GRID1: variants seen among roughly 807,000 people sequenced by gnomAD.
GRID1 encodes the protein glutamate ionotropic receptor delta type subunit 1.
In GRID1, 28 loss-of-function variants were observed where a neutral mutation model predicts 98.0. The observed-to-expected ratio is 0.29, with a 90% CI of 0.21 to 0.39. The LOEUF (loss-of-function observed/expected upper bound fraction) is 0.39, where lower values mean the gene tolerates loss of function less well. GRID1 is among the 10% of genes least tolerant of loss of function. The probability of loss-of-function intolerance (pLI) is 1.00; values close to 1 mark genes in which losing one functional copy is unlikely to be tolerated. For synonymous variants in GRID1, 553 were observed against 538.5 expected (o/e 1.03, Z -0.37); for missense variants, 1,111 against 1,340.5 (o/e 0.83, Z 2.67).
chr10:86,055,209 G>T (rs1843556309), intron 4 of GRID1, among the ~76,000 whole-genome samples: 1 of 152,202 alleles, frequency 6.6e-6, no homozygotes, highest in Admixed American at 6.5e-5. Flanking sequence ...GCCTAAAACT[G>T]CAAGTTTGGG....
intron 4 of GRID1, among the ~76,000 whole-genome samples, chr10:86,006,918 G>C (rs899689154): frequency 6.6e-6 from 1 of 152,072 alleles, no homozygotes; most frequent in Non-Finnish European, 1.5e-5. Context: ...GGGTTATGAA[G>C]CTGTGATGTC....
intron 4 of GRID1, among the ~76,000 whole-genome samples, chr10:86,101,618 TG>T (rs1844296999): frequency 1.3e-5 from 2 of 151,142 alleles, no homozygotes; most frequent in African/African-American, 4.9e-5. Flanking sequence ...GTTCCTGGTT[TG>T]TTTTTCATTA....
intron 3 of GRID1, among the ~76,000 whole-genome samples, chr10:86,164,042 C>T (rs1845362809): frequency 6.6e-6 from 1 of 152,144 alleles, no homozygotes; most frequent in Non-Finnish European, 1.5e-5. Flanking sequence ...GTCCTAGGAC[C>T]CCAGGTGGGG....
chr10:85,888,043 C>T (rs1385414948), intron 5 of GRID1, among the ~76,000 whole-genome samples: 2 of 152,136 alleles, frequency 1.3e-5, no homozygotes, highest in East Asian at 3.9e-4. Context: ...TACTGTTCCT[C>T]ACCTCCAGGA....
intron 12 of GRID1, among the ~76,000 whole-genome samples, chr10:85,704,435 T>G (rs2132626929): frequency 6.6e-6 from 1 of 152,308 alleles, no homozygotes; most frequent in East Asian, 1.9e-4. Context: ...TAAATATATA[T>G]GCACCCAATA....
At chr10:85,909,729 T>C (rs573790450) in intron 5 of GRID1, among the ~76,000 whole-genome samples, 3 of 152,188 alleles carry the variant, frequency 2.0e-5, no homozygotes, top group African/African-American at 4.8e-5. Flanking sequence ...CAGAAACAGA[T>C]CAGTAGTTGC....
intron 12 of GRID1, among the ~76,000 whole-genome samples, chr10:85,705,521 C>A (rs150904701): frequency 0.06 from 9,160 of 152,216 alleles, 527 homozygotes; most frequent in African/African-American, 0.15. Flanking sequence ...CCGAATTCTA[C>A]CACAGGTACA....
chr10:85,960,394 T>C (rs1842250869), intron 4 of GRID1, among the ~76,000 whole-genome samples: 1 of 152,236 alleles, frequency 6.6e-6, no homozygotes, highest in South Asian at 2.1e-4. Context: ...GCCTGCAGGA[T>C]GCAGAGTCAG....
At chr10:86,178,615 C>A in intron 3 of GRID1, among the ~76,000 whole-genome samples, 1 of 151,882 alleles carries the variant, frequency 6.6e-6, no homozygotes, top group Admixed American at 6.6e-5. Flanking sequence ...CGTGCATCCA[C>A]CCCGGGGCGT....
chr10:85,716,824 AT>A (rs1231420606), intron 12 of GRID1, among the ~76,000 whole-genome samples: 11 of 151,890 alleles, frequency 7.2e-5, no homozygotes, highest in Non-Finnish European at 1.5e-4. Flanking sequence ...CAAATATTAT[AT>A]TATGTTAACT....
At chr10:86,175,592 C>T (rs1845563844) in intron 3 of GRID1, among the ~76,000 whole-genome samples, 2 of 152,234 alleles carry the variant, frequency 1.3e-5, no homozygotes, top group South Asian at 4.1e-4. Flanking sequence ...GACCTTTCCG[C>T]TGTTAACCCG....
intron 4 of GRID1, among the ~76,000 whole-genome samples, chr10:86,004,423 G>A (rs76258771): frequency 0.012 from 1,782 of 152,302 alleles, 41 homozygotes; most frequent in African/African-American, 0.04. Context: ...CATTCTGGCT[G>A]TTTCTGTGAG....
chr10:85,669,283 C>T (rs1422803281), intron 12 of GRID1, among the ~76,000 whole-genome samples: 2 of 152,226 alleles, frequency 1.3e-5, no homozygotes, highest in Non-Finnish European at 2.9e-5. Context: ...GAGGGGCCCC[C>T]ATGAGCCAGG....
chr10:85,694,930 A>G (rs1369774500), intron 12 of GRID1, among the ~76,000 whole-genome samples: 2 of 152,040 alleles, frequency 1.3e-5, no homozygotes, highest in Admixed American at 6.6e-5. Context: ...GCCATGTAAC[A>G]AAGCTGCACT....
At chr10:85,757,823 A>G (rs1051267661) in intron 8 of GRID1, among the ~76,000 whole-genome samples, 4 of 152,242 alleles carry the variant, frequency 2.6e-5, no homozygotes, top group Admixed American at 1.3e-4. Flanking sequence ...ATAAGATTCA[A>G]TGATAAGCCA....
At chr10:85,677,728 C>T (rs1034533969) in intron 12 of GRID1, among the ~76,000 whole-genome samples, 3 of 152,116 alleles carry the variant, frequency 2.0e-5, no homozygotes, top group Admixed American at 2.0e-4. Flanking sequence ...ACCGGAGTCT[C>T]CCCTACGAAG....
chr10:86,310,833 A>C (rs1847822568), intron 2 of GRID1, among the ~76,000 whole-genome samples: 1 of 152,166 alleles, frequency 6.6e-6, no homozygotes, highest in Non-Finnish European at 1.5e-5. Context: ...GGAATTTACA[A>C]CTTGGCTGTC....
chr10:86,073,722 G>A (rs557168581), intron 4 of GRID1, among the ~76,000 whole-genome samples: 6 of 152,322 alleles, frequency 3.9e-5, no homozygotes, highest in East Asian at 1.9e-4. Context: ...AAGGCACCAC[G>A]ATCAGTGATG....
At chr10:86,336,054 T>C (rs149968564) in intron 2 of GRID1, among the ~76,000 whole-genome samples, 215 of 152,296 alleles carry the variant, frequency 1.4e-3, no homozygotes, top group African/African-American at 4.8e-3. Context: ...ATCACACCTG[T>C]TGATCCCAAA....
Sources: allele counts gnomAD v4.1 joint callset (sites outside exome capture counted in the v4.1 genomes callset), GRCh38; gene constraint gnomAD v4.1.1; transcripts MANE v1.5; gene names NCBI Gene and HGNC (gene_info 2026-07-23, HGNC 2026-07-21).